Variants in KIAA1217 observed in about 807,000 individuals in gnomAD.
The protein encoded by KIAA1217 is KIAA1217.
In KIAA1217, 88 loss-of-function variants were observed where a neutral mutation model predicts 163.9. The ratio of observed to expected loss-of-function variants is 0.54; its 90% CI spans 0.45 to 0.64. The LOEUF is 0.64. KIAA1217 is among the 30% of genes least tolerant of loss of function. KIAA1217 has a pLI of 0.00. For missense variants in KIAA1217, 2,372 were observed against 2,475.0 expected, an observed-to-expected ratio of 0.96 and a Z score of 0.88; for synonymous variants, 903 against 923.1, an observed-to-expected ratio of 0.98 and a Z score of 0.39.
intron 1 of KIAA1217, among the ~76,000 whole-genome samples, chr10:23,775,621 C>T (rs1038968416): frequency 6.6e-6 from 1 of 152,224 alleles, no homozygotes; most frequent in South Asian, 2.1e-4. Context: ...TAATGGCCAA[C>T]GTTAATTATC....
chr10:24,128,233 A>T (rs1223138924), intron 2 of KIAA1217, among the ~76,000 whole-genome samples: 1 of 152,196 alleles, frequency 6.6e-6, no homozygotes, highest in African/African-American at 2.4e-5. Flanking sequence ...CTTCCAAAAC[A>T]GTTGTTAGTC....
chr10:24,076,411 C>G (rs1237744609), intron 2 of KIAA1217, among the ~76,000 whole-genome samples: 3 of 152,146 alleles, frequency 2.0e-5, no homozygotes, highest in Non-Finnish European at 2.9e-5. Context: ...AGACATTTAT[C>G]CTTGGCATTC....
intron 1 of KIAA1217, among the ~76,000 whole-genome samples, chr10:23,992,040 C>T (rs1846239591): frequency 6.6e-6 from 1 of 152,090 alleles, no homozygotes; most frequent in South Asian, 2.1e-4. Context: ...CTGGTTGCCC[C>T]CCAAAACGCA....
chr10:24,213,691 T>C (rs777309889), intron 1 of KIAA1217, among the ~76,000 whole-genome samples: 40 of 152,186 alleles, frequency 2.6e-4, no homozygotes, highest in Admixed American at 1.1e-3. Context: ...TTTGTATGAA[T>C]GAATGAATGA....
At chr10:24,130,677 A>G (rs776359116) in intron 2 of KIAA1217, among the ~76,000 whole-genome samples, 3 of 152,238 alleles carry the variant, frequency 2.0e-5, no homozygotes, top group Non-Finnish European at 4.4e-5. Context: ...AAAAATCAGA[A>G]TAATGCCGAT....
chr10:24,445,649 C>A (rs553987089), intron 5 of KIAA1217, among the ~76,000 whole-genome samples: 1 of 150,180 alleles, frequency 6.7e-6, no homozygotes, highest in Admixed American at 6.7e-5. Flanking sequence ...TTTGTCCTTG[C>A]GATAGTTTGC....
intron 5 of KIAA1217, among the ~76,000 whole-genome samples, chr10:24,439,019 T>A (rs1192733674): frequency 6.6e-6 from 1 of 152,180 alleles, no homozygotes; most frequent in Non-Finnish European, 1.5e-5. Flanking sequence ...CATGCTGAGG[T>A]CATAATACAA....
chr10:24,049,907 A>G (rs560618037), intron 2 of KIAA1217, among the ~76,000 whole-genome samples: 1 of 152,284 alleles, frequency 6.6e-6, no homozygotes, highest in Admixed American at 6.5e-5. Flanking sequence ...TGGTTGAACT[A>G]ATTTACACTC....
At chr10:23,781,750 A>C (rs1324222828) in intron 1 of KIAA1217, among the ~76,000 whole-genome samples, 1 of 152,104 alleles carries the variant, frequency 6.6e-6, no homozygotes, top group Admixed American at 6.6e-5. Flanking sequence ...TTTTGTGTAG[A>C]GTGTAAGATG....
chr10:24,500,814 G>A (rs2067477679), intron 8 of KIAA1217, among the ~76,000 whole-genome samples: 1 of 152,162 alleles, frequency 6.6e-6, no homozygotes, highest in South Asian at 2.1e-4. Context: ...CAAGTGCGGT[G>A]GTTCACGCCT....
At chr10:24,164,621 CACTT>C (rs1465785214) in intron 2 of KIAA1217, among the ~76,000 whole-genome samples, 3 of 152,140 alleles carry the variant, frequency 2.0e-5, no homozygotes, top group South Asian at 4.1e-4. Flanking sequence ...TTTCAGGAGA[CACTT>C]AGATAGTAGT....
intron 2 of KIAA1217, among the ~76,000 whole-genome samples, chr10:24,291,234 A>C (rs1344948588): frequency 2.6e-5 from 4 of 152,108 alleles, no homozygotes; most frequent in Admixed American, 6.5e-5. Context: ...ATCTTAGAAA[A>C]TTTCACTCAA....
At chr10:24,516,531 T>C (rs1458385319) in intron 10 of KIAA1217, among the ~76,000 whole-genome samples, 1 of 152,270 alleles carries the variant, frequency 6.6e-6, no homozygotes, top group Non-Finnish European at 1.5e-5. Flanking sequence ...CCGGTGATTC[T>C]GAAGCACTTT....
intron 2 of KIAA1217, among the ~76,000 whole-genome samples, chr10:24,238,187 C>G (rs1389302315): frequency 6.6e-6 from 1 of 152,238 alleles, no homozygotes; most frequent in African/African-American, 2.4e-5. Context: ...ACATCTTGCT[C>G]GCGGCTGCCT....
At chr10:24,116,133 CT>C (rs1437865726) in intron 2 of KIAA1217, among the ~76,000 whole-genome samples, 1 of 152,134 alleles carries the variant, frequency 6.6e-6, no homozygotes, top group African/African-American at 2.4e-5. Flanking sequence ...ATCTTGCCCC[CT>C]GGGATCTTGG....
intron 1 of KIAA1217, among the ~76,000 whole-genome samples, chr10:23,871,944 G>A (rs1354730891): frequency 1.3e-5 from 2 of 152,066 alleles, no homozygotes; most frequent in Non-Finnish European, 2.9e-5. Flanking sequence ...GTCCTGAATC[G>A]TGTCTCTAAG....
intron 3 of KIAA1217, among the ~76,000 whole-genome samples, chr10:24,403,934 A>G (rs948659922): frequency 3.3e-5 from 5 of 152,162 alleles, no homozygotes; most frequent in African/African-American, 1.2e-4. Flanking sequence ...GCCACGCTAG[A>G]AAGTAGTTTT....
At chr10:24,536,276 C>T (rs965502474) in intron 16 of KIAA1217, among the ~76,000 whole-genome samples, 4 of 152,104 alleles carry the variant, frequency 2.6e-5, no homozygotes, top group Non-Finnish European at 4.4e-5. Context: ...CACCTCGGAG[C>T]GCGGTAGTAC....
chr10:23,837,250 C>G (rs1461254100), intron 1 of KIAA1217, among the ~76,000 whole-genome samples: 1 of 152,074 alleles, frequency 6.6e-6, no homozygotes, highest in East Asian at 1.9e-4. Flanking sequence ...TTCAGGCCAC[C>G]CATTCTGTGG....
Sources: allele counts gnomAD v4.1 joint callset (sites outside exome capture counted in the v4.1 genomes callset), GRCh38; gene constraint gnomAD v4.1.1; transcripts MANE v1.5; gene names NCBI Gene and HGNC (gene_info 2026-07-23, HGNC 2026-07-21).